The following CC2D2A variants were observed in gnomAD, a reference collection of about 807,000 sequenced individuals.
The protein encoded by CC2D2A is coiled-coil and C2 domain-containing protein 2A.
CC2D2A carries 155 observed loss-of-function variants against 212.9 expected under a neutral mutation model. That is an observed-to-expected ratio of 0.73 (90% confidence interval 0.64 to 0.83). CC2D2A has a LOEUF of 0.83. Among genes scored for constraint, CC2D2A ranks in the 40% least tolerant of loss-of-function variants. The probability of loss-of-function intolerance (pLI) is 0.00; values close to 1 mark genes in which losing one functional copy is unlikely to be tolerated. For missense variants in CC2D2A, 1,856 were observed against 1,956.2 expected (o/e 0.95, Z 0.97); for synonymous variants, 667 against 686.5 (o/e 0.97, Z 0.44).
At chr4:15,573,390 A>G (rs1577387740) in intron 28 of CC2D2A, among the ~76,000 whole-genome samples, 1 of 152,196 alleles carries the variant, frequency 6.6e-6, no homozygotes, top group Non-Finnish European at 1.5e-5. Flanking sequence ...TCCCAGGTTC[A>G]AGCGATTGTC....
intron 27 of CC2D2A, 30 bp from the exon 28 acceptor site, chr4:15,570,368 A>T (rs1394431777): frequency 7.3e-6 from 10 of 1,373,474 alleles, no homozygotes; most frequent in Non-Finnish European, 1.0e-5. Context: ...GGAGTTCTTA[A>T]GCAATTATTA....
chr4:15,500,350 G>A (rs551440724), intron 4 of CC2D2A, among the ~76,000 whole-genome samples: 1 of 152,098 alleles, frequency 6.6e-6, no homozygotes, highest in East Asian at 1.9e-4. Flanking sequence ...AAATGTGACA[G>A]ATGAAGGAAG....
chr4:15,567,400 C>T lies in CC2D2A; in HGVS notation c.3206C>T (p.Ser1069Phe). Reference sequence around the variant, plus strand: ...AGCAAATTCCAGCAGCCGTCGAGGTCTTCAAGGATGTTCAGTGAAAAGCAT... The same window carrying T: ...AGCAAATTCCAGCAGCCGTCGAGGTTTTCAAGGATGTTCAGTGAAAAGCAT... ...AVSKFQQPSR[S>F]SRMFSEKHAA... Residue 1069 changes from serine to phenylalanine, a missense_variant, in exon 25 of 37, where the codon TCT (serine) becomes TTT (phenylalanine). By Grantham distance (155) the Ser-to-Phe change is radical. This residue lies in a region of CC2D2A where 1,512 missense variants were observed against 1,579.3 expected (regional missense o/e 0.96). Coordinates refer to ENST00000424120, the MANE Select transcript of CC2D2A (RefSeq NM_001378615.1). 6.2e-7 allele frequency: 1 copy of T among 1,613,488 alleles called. No individual in the cohort carries two copies. The highest frequency in any genetic ancestry group is 1.1e-5 in the South Asian group (1 of 90,998).
chr4:15,501,031 T>C (rs1715918280), intron 4 of CC2D2A, among the ~76,000 whole-genome samples: 1 of 152,160 alleles, frequency 6.6e-6, no homozygotes, highest in Non-Finnish European at 1.5e-5. Flanking sequence ...GTCTCGTTTT[T>C]CTTTCTCAGC....
intron 20 of CC2D2A, among the ~76,000 whole-genome samples, chr4:15,555,567 T>C (rs1475621551): frequency 6.6e-6 from 1 of 152,120 alleles, no homozygotes; most frequent in Non-Finnish European, 1.5e-5. Context: ...GGCGAAACCC[T>C]ATCTCTGCAA....
intron 16 of CC2D2A, among the ~76,000 whole-genome samples, chr4:15,539,742 A>T (rs1236973484): frequency 6.6e-6 from 1 of 152,196 alleles, no homozygotes; most frequent in Non-Finnish European, 1.5e-5. Flanking sequence ...ATGACACAGC[A>T]TGCTTTCTAA....
rs756324214 is a variant in CC2D2A, at chr4:15,599,572, C to T, written c.4540C>T (p.Arg1514Cys). Residue 1514 changes from arginine (R) to cysteine (C), a missense_variant, in exon 36 of 37, where the codon CGC becomes TGC. Arg to Cys is a radical substitution (Grantham distance 180). This residue lies in a region of CC2D2A where 285 missense variants were observed against 278.4 expected (regional missense o/e 1.02). Transcript: ENST00000424120. ...LKEKIMDWRP[R>C]HLTRWNRYCT... is the part of the protein sequence containing the mutation. ...AGAAAAAATCATGGACTGGAGGCCACGCCATCTGACTCGGTGGAATAGGTA... is the reference window on the plus strand; with the variant it reads ...AGAAAAAATCATGGACTGGAGGCCATGCCATCTGACTCGGTGGAATAGGTA... 63 of 1,597,354 alleles carry T rather than the reference C, an allele frequency of 3.9e-5. No homozygotes were observed. The highest frequency in any genetic ancestry group is 9.0e-5 in the East Asian group (4 of 44,574).
At chr4:15,534,396 A>C (rs1718012955) in intron 14 of CC2D2A, among the ~76,000 whole-genome samples, 2 of 152,204 alleles carry the variant, frequency 1.3e-5, no homozygotes, top group South Asian at 4.1e-4. Context: ...AGTCATATAG[A>C]TATTCTATGA....
chr4:15,599,587 T>G lies in CC2D2A; in HGVS notation c.4555T>G (p.Trp1519Gly), dbSNP rs1577406415. 6.2e-7 allele frequency: 1 copy of G among 1,609,730 alleles called. No individual in the cohort carries two copies. ...CTGGAGGCCACGCCATCTGACTCGG[T>G]GGAATAGGTATTGTACCTCTACTCT... is the stretch of plus-strand genomic sequence containing the variant. ...MDWRPRHLTR[W>G]NRYCTSTLRH... The change falls in exon 36 of 37, where the codon TGG becomes GGG. Residue 1519 changes from tryptophan (W) to glycine (G), a missense_variant. Trp to Gly is a radical substitution (Grantham distance 184). Around this residue, in one of 5 missense-constraint regions of CC2D2A, gnomAD observed 285 missense variants for 278.4 expected, o/e 1.02. Coordinates refer to ENST00000424120, the MANE Select transcript of CC2D2A (RefSeq NM_001378615.1).
intron 6 of CC2D2A, among the ~76,000 whole-genome samples, chr4:15,503,548 T>C (rs1378242173): frequency 6.6e-6 from 1 of 152,186 alleles, no homozygotes; most frequent in Non-Finnish European, 1.5e-5. Context: ...GTCTGTCTCA[T>C]TGGGTCAGCA....
rs896531568 is a variant in CC2D2A at position 15,558,071 on chromosome 4, G to T, written c.2829+564G>T. Among the ~76,000 whole-genome samples the T allele has an allele frequency of 2.0e-5, 3 of 152,318 alleles. No individual in the cohort carries two copies. In the South Asian group the frequency reaches 6.2e-4, roughly 32 times the overall value. ...GAGGGCAGATCGCACCTCCAGGTGT[G>T]GGGTGGAGGAGCCTTTGAGGAACTG... is the stretch of plus-strand genomic sequence containing the variant. On this transcript the variant is annotated intron_variant, in intron 21 of 36. Coordinates refer to ENST00000424120, the MANE Select transcript of CC2D2A (RefSeq NM_001378615.1).
chr4:15,565,403 T>G (rs1719837572), intron 24 of CC2D2A, among the ~76,000 whole-genome samples: 1 of 151,692 alleles, frequency 6.6e-6, no homozygotes, highest in African/African-American at 2.4e-5. Flanking sequence ...CATACGGTTT[T>G]TTTTTTTTTT....
At position 15,553,316 on chromosome 4, in the gene CC2D2A, G is replaced by A; in HGVS notation, c.2486+11G>A. On this transcript the variant is annotated intron_variant, in intron 19 of 36. Transcript: ENST00000424120. Reference sequence around the variant, plus strand: ...CATCGGATTTCGGAGGTAATACATGGCAAGAGTAAATTGATGAGCAATGTC... The same window carrying A: ...CATCGGATTTCGGAGGTAATACATGACAAGAGTAAATTGATGAGCAATGTC... The A allele has an allele frequency of 6.2e-7, 1 of 1,610,944 alleles. No homozygotes were observed.
chr4:15,474,461 C>T (rs563984486), intron 1 of CC2D2A, among the ~76,000 whole-genome samples: 38 of 150,354 alleles, frequency 2.5e-4, no homozygotes, highest in Admixed American at 2.1e-3. Context: ...AGTCAGGGGT[C>T]GGGGGAGGTT....
At chr4:15,479,781 G>T (rs1358463330) in intron 3 of CC2D2A, among the ~76,000 whole-genome samples, 1 of 152,176 alleles carries the variant, frequency 6.6e-6, no homozygotes, top group African/African-American at 2.4e-5. Context: ...GGCAGTAGAT[G>T]AAAAGGGTTC....
chr4:15,570,468 C>T lies in CC2D2A; in HGVS notation c.3566C>T (p.Pro1189Leu). 6.2e-7 allele frequency: 1 copy of T among 1,606,046 alleles called. No individual in the cohort carries two copies. Among genetic ancestry groups the T allele is most frequent in the Non-Finnish European group, 8.5e-7 (1 of 1,174,966 alleles). Residue 1189 changes from proline to leucine, a missense_variant, in exon 28 of 37, where the codon CCA (proline) becomes CTA (leucine). Pro to Leu is a moderately conservative substitution (Grantham distance 98, BLOSUM62 -3). This residue lies in a region of CC2D2A where 1,512 missense variants were observed against 1,579.3 expected (regional missense o/e 0.96). Coordinates refer to ENST00000424120, the MANE Select transcript of CC2D2A (RefSeq NM_001378615.1). ...ERHWLGCVKM[P>L]FSTIYFQARI... ...CACTGGCTGGGATGTGTGAAAATGCCATTTAGCACAATATATTTCCAAGCA... is the reference window on the plus strand; with the variant it reads ...CACTGGCTGGGATGTGTGAAAATGCTATTTAGCACAATATATTTCCAAGCA...
At chr4:15,500,346 G>A (rs537923917) in intron 4 of CC2D2A, among the ~76,000 whole-genome samples, 1 of 152,084 alleles carries the variant, frequency 6.6e-6, no homozygotes, top group South Asian at 2.1e-4. Context: ...TTCAAAATGT[G>A]ACAGATGAAG....
At chr4:15,558,325 T>C (rs1272918724) in intron 21 of CC2D2A, among the ~76,000 whole-genome samples, 1 of 152,180 alleles carries the variant, frequency 6.6e-6, no homozygotes, top group African/African-American at 2.4e-5. Flanking sequence ...GTTTGGACTT[T>C]GATCACAGGA....
At chr4:15,545,363 G>A (rs1056025121) in intron 17 of CC2D2A, among the ~76,000 whole-genome samples, 6 of 152,128 alleles carry the variant, frequency 3.9e-5, no homozygotes, top group South Asian at 2.1e-4. Context: ...TTTTCTGCTT[G>A]ATTGTGAAAA....
Sources: allele counts gnomAD v4.1 joint callset (sites outside exome capture counted in the v4.1 genomes callset), GRCh38; gene constraint gnomAD v4.1.1; regional missense constraint gnomAD v4.1.1; transcripts MANE v1.5; gene names NCBI Gene and HGNC (gene_info 2026-07-23, HGNC 2026-07-21).